The following ATXN2 variants were observed in gnomAD, a reference collection of about 807,000 sequenced individuals.
ATXN2 encodes ataxin-2.
A neutral mutation model predicts 138.6 loss-of-function variants in ATXN2; 37 were observed. That is an observed-to-expected ratio of 0.27 (90% CI 0.21 to 0.35). The LOEUF is 0.35. Ranked by LOEUF, ATXN2 falls within the 10% of genes least tolerant of loss-of-function variation. The pLI is 1.00. For synonymous variants in ATXN2, 549 were observed against 543.7 expected (o/e 1.01, Z -0.13); for missense variants, 1,216 against 1,480.3 (o/e 0.82, Z 2.93).
At chr12:111,568,960 T>C (rs535374664) in intron 1 of ATXN2, among the ~76,000 whole-genome samples, 5 of 151,780 alleles carry the variant, frequency 3.3e-5, no homozygotes, top group Admixed American at 6.6e-5. Context: ...GGGTAGGCCA[T>C]GACAACCCAA....
At position 111,552,498 on chromosome 12, in the gene ATXN2, C is replaced by T; in HGVS notation, c.421-68G>A. On this transcript the variant is annotated intron_variant, in intron 4 of 24. Coordinates refer to ENST00000673436, the MANE Select transcript of ATXN2 (RefSeq NM_001372574.1). This position sits in a 1 kb window ranked among gnomAD's most constrained non-coding sequence, Gnocchi z 4.1. ...ATAAAATTTGTTAGGAATTCTTTAGCTCATCAAGGTACCAGTTCTTATATG... is the reference window on the plus strand; with the variant it reads ...ATAAAATTTGTTAGGAATTCTTTAGTTCATCAAGGTACCAGTTCTTATATG... 1 of 1,510,598 alleles carries T rather than the reference C, an allele frequency of 6.6e-7. No homozygotes were observed. Among genetic ancestry groups the T allele is most frequent in the Non-Finnish European group, 8.9e-7 (1 of 1,127,104 alleles). The allele number at this position is 1,510,598 out of a possible 1,614,324, so 93.6% of individuals were successfully genotyped here. A position where few individuals can be genotyped will look rare whatever the true frequency, so the allele number is the denominator to read the frequency against.
intron 1 of ATXN2, among the ~76,000 whole-genome samples, chr12:111,586,115 G>A (rs1179392567): frequency 6.6e-6 from 1 of 151,944 alleles, no homozygotes; most frequent in Non-Finnish European, 1.5e-5. Context: ...GTGTTGCCCA[G>A]GCTGGACTTG....
intron 1 of ATXN2, among the ~76,000 whole-genome samples, chr12:111,563,886 G>C (rs984319842): frequency 1.3e-5 from 2 of 152,104 alleles, no homozygotes; most frequent in Non-Finnish European, 2.9e-5. Flanking sequence ...AATATACGAT[G>C]CTGTTTTCAA....
chr12:111,560,381 T>G lies in ATXN2; in HGVS notation c.252-4462A>C, dbSNP rs569530395. ...AATACTGTGCCATTTTATGAGGGAC[T>G]AGAGCATCCATAAATTTTTATATCC... On this transcript the variant is annotated intron_variant, in intron 1 of 24. Coordinates refer to ENST00000673436, the MANE Select transcript of ATXN2 (RefSeq NM_001372574.1). Among the ~76,000 whole-genome samples the G allele has an allele frequency of 7.9e-5, 12 of 152,286 alleles. 2 individuals carry two copies. The highest frequency in any genetic ancestry group is 2.9e-4 in the African/African-American group (12 of 41,552).
At chr12:111,538,405 C>G (rs1881309739) in intron 5 of ATXN2, among the ~76,000 whole-genome samples, 4 of 150,056 alleles carry the variant, frequency 2.7e-5, no homozygotes, top group Middle Eastern at 3.4e-3. Flanking sequence ...TTTTTTGAAA[C>G]CAGGGTCTCA....
chr12:111,564,024 G>GC (rs1882846637), intron 1 of ATXN2, among the ~76,000 whole-genome samples: 1 of 152,132 alleles, frequency 6.6e-6, no homozygotes, highest in Non-Finnish European at 1.5e-5. Context: ...GGGGGTCATA[G>GC]CCCCACATTA....
intron 7 of ATXN2, among the ~76,000 whole-genome samples, 165 bp downstream of exon 7, chr12:111,520,717 T>C (rs1454932394): frequency 6.6e-6 from 1 of 152,106 alleles, no homozygotes; most frequent in African/African-American, 2.4e-5. Context: ...CAAACTACAT[T>C]TATTCCCTTT....
intron 1 of ATXN2, among the ~76,000 whole-genome samples, chr12:111,596,205 A>AACACACACACACACACAC (rs35316415): frequency 1.4e-5 from 2 of 141,750 alleles, no homozygotes; most frequent in East Asian, 2.2e-4. Flanking sequence ...TTCCATCCAA[A>AACACACACACACACACAC]ACACACACAC....
At chr12:111,585,389 C>T (rs1050781737) in intron 1 of ATXN2, among the ~76,000 whole-genome samples, 4 of 151,274 alleles carry the variant, frequency 2.6e-5, no homozygotes, top group Admixed American at 1.3e-4. Flanking sequence ...GGCGGGCACC[C>T]GTAATCCCAG....
chr12:111,559,806 AC>A (rs1045214036), intron 1 of ATXN2, among the ~76,000 whole-genome samples: 2 of 151,710 alleles, frequency 1.3e-5, no homozygotes, highest in Admixed American at 6.6e-5. Context: ...AAAAAAAAAA[AC>A]ACTTAATACA....
intron 12 of ATXN2, 142 bp from the exon 13 acceptor site, chr12:111,510,140 A>T: frequency 1.4e-6 from 1 of 740,570 alleles, no homozygotes; most frequent in Non-Finnish European, 2.1e-6. Context: ...TGCAGATGTC[A>T]TATGAAACAC....
At chr12:111,545,007 A>G (rs1446277638) in intron 5 of ATXN2, among the ~76,000 whole-genome samples, 1 of 151,842 alleles carries the variant, frequency 6.6e-6, no homozygotes, top group Non-Finnish European at 1.5e-5. Flanking sequence ...AAAATACAAA[A>G]ATTTAGCTGG....
intron 11 of ATXN2, 59 bp downstream of exon 11, chr12:111,513,298 T>G: frequency 6.4e-7 from 1 of 1,564,638 alleles, no homozygotes; most frequent in Non-Finnish European, 8.7e-7. Flanking sequence ...AGCTCAGCCC[T>G]CTTTATATCT....
rs779688576 is a variant in ATXN2, at chr12:111,453,572, A to G, written c.3439+105T>C. ...TGCACACTCCTGGACGGGTCTTGCTAGTTCTCAAATGCGGGGCTTGAAGCA... is the reference window on the plus strand; with the variant it reads ...TGCACACTCCTGGACGGGTCTTGCTGGTTCTCAAATGCGGGGCTTGAAGCA... On this transcript the variant is annotated intron_variant, in intron 24 of 24. Coordinates refer to ENST00000673436, the MANE Select transcript of ATXN2 (RefSeq NM_001372574.1). This position sits in a 1 kb window ranked among gnomAD's most constrained non-coding sequence, Gnocchi z 5.4. 6.9e-7 allele frequency: 1 copy of G among 1,449,772 alleles called. No homozygotes were observed. The highest frequency in any genetic ancestry group is 1.5e-5 in the South Asian group (1 of 68,288). 89.8% of individuals were successfully genotyped at this position (1,449,772 alleles called of 1,614,324 possible). A position where few individuals can be genotyped will look rare whatever the true frequency, so the allele number is the denominator to read the frequency against.
At chr12:111,576,102 T>TAAC (rs1448390458) in intron 1 of ATXN2, among the ~76,000 whole-genome samples, 1 of 133,076 alleles carries the variant, frequency 7.5e-6, no homozygotes, top group African/African-American at 3.6e-5. Context: ...TAACATAACA[T>TAAC]AACATAACAT....
intron 14 of ATXN2, among the ~76,000 whole-genome samples, chr12:111,489,359 A>G (rs1877863254): frequency 6.6e-6 from 1 of 152,188 alleles, no homozygotes; most frequent in Admixed American, 6.5e-5. Flanking sequence ...TCACGCCTGT[A>G]ATCCCAGCAC....
chr12:111,476,471 A>C (rs1212130529), intron 18 of ATXN2, among the ~76,000 whole-genome samples: 2 of 152,064 alleles, frequency 1.3e-5, no homozygotes, highest in Non-Finnish European at 2.9e-5. Flanking sequence ...AAAAAAAAAA[A>C]ACCCAAAAAC....
Position 111,457,204 on chromosome 12 carries a change from T to G in ATXN2, c.3042+10A>C. ...AAGCCACTCCATGCAGACCTCTGAG[T>G]TGCCCTTACCTGAACAGGACTGGGT... On this transcript the variant is annotated intron_variant, in intron 22 of 24. Transcript: ENST00000673436. 6.2e-7 allele frequency: 1 copy of G among 1,608,724 alleles called. No homozygotes were observed. The highest frequency in any genetic ancestry group is 8.5e-7 in the Non-Finnish European group (1 of 1,177,950).
chr12:111,491,663 G>A (rs1162303396), intron 14 of ATXN2, among the ~76,000 whole-genome samples: 1 of 152,190 alleles, frequency 6.6e-6, no homozygotes, highest in Non-Finnish European at 1.5e-5. Flanking sequence ...GGAACCCATT[G>A]CCTTGAAGGG....
Sources: gnomAD v4.1 joint callset for allele counts (sites outside exome capture counted in the v4.1 genomes callset) on GRCh38, gnomAD v4.1.1 for gene constraint, Gnocchi (gnomAD v3.1) non-coding constraint, MANE v1.5 for transcripts, NCBI Gene and HGNC (gene_info 2026-07-23, HGNC 2026-07-21) for gene names.